ADCY7: variants seen among roughly 807,000 people sequenced by gnomAD.
The protein encoded by ADCY7 is adenylate cyclase type 7.
In ADCY7, 72 loss-of-function variants were observed where a neutral mutation model predicts 120.6. The ratio of observed to expected loss-of-function variants is 0.60; its 90% CI spans 0.49 to 0.73. ADCY7 has a LOEUF of 0.73. ADCY7 is among the 30% of genes least tolerant of loss of function. The pLI is 0.00. For synonymous variants in ADCY7, 661 were observed against 628.0 expected (o/e 1.05, Z -0.78); for missense variants, 1,227 against 1,486.0 (o/e 0.83, Z 2.87).
At chr16:50,244,849 T>C (rs1294954480), upstream of ADCY7, among the ~76,000 whole-genome samples, 2 of 152,138 alleles carry the variant, frequency 1.3e-5, no homozygotes, top group African/African-American at 4.8e-5. Flanking sequence ...GAGAGCCAAA[T>C]GCCACCATGC....
chr16:50,282,909 A>T (rs7185549), intron 1 of ADCY7, among the ~76,000 whole-genome samples: 6,076 of 151,962 alleles, frequency 0.04, 429 homozygotes, highest in African/African-American at 0.14. Context: ...TTTTATAGCG[A>T]TGGGGTCTCA....
intron 22 of ADCY7, chr16:50,313,431 ACAAC>A (rs1276266913): frequency 1.2e-5 from 2 of 166,646 alleles, no homozygotes; most frequent in African/African-American, 2.7e-5. Flanking sequence ...AACAACAACA[ACAAC>A]AAAAAAAAAA....
At chr16:50,292,127 C>T (rs1017320453) in intron 4 of ADCY7, among the ~76,000 whole-genome samples, 1 of 152,212 alleles carries the variant, frequency 6.6e-6, no homozygotes, top group African/African-American at 2.4e-5. Context: ...GCTCAGCCCT[C>T]AGGGTCGTGA....
intron 24 of ADCY7, 91 bp from the exon 25 acceptor site, chr16:50,314,923 T>G (rs2036718603): frequency 6.6e-7 from 1 of 1,522,278 alleles, no homozygotes; most frequent in East Asian, 2.3e-5. Context: ...CCCCGCATCC[T>G]GTGCTGGGGT....
chr16:50,265,411 G>T (rs955288807), upstream of ADCY7, among the ~76,000 whole-genome samples: 1 of 152,204 alleles, frequency 6.6e-6, no homozygotes, highest in Non-Finnish European at 1.5e-5. Flanking sequence ...GCAGACCTTA[G>T]ATCACCTGCT....
intron 19 of ADCY7, 75 bp from the exon 20 acceptor site, chr16:50,311,618 G>A: frequency 9.6e-7 from 1 of 1,039,272 alleles, no homozygotes; most frequent in Non-Finnish European, 1.5e-6. Context: ...GGGTGTGCGT[G>A]GCACCTGGAG....
chr16:50,313,768 G>A (rs1269682620), intron 22 of ADCY7, 190 bp from the exon 23 acceptor site: 1 of 583,874 alleles, frequency 1.7e-6, no homozygotes. Flanking sequence ...ACAACAGGAA[G>A]AGCAGGAGCC....
At chr16:50,291,594 T>C in intron 3 of ADCY7, 142 bp from the exon 4 acceptor site, 1 of 874,428 alleles carries the variant, frequency 1.1e-6, no homozygotes, top group Non-Finnish European at 1.8e-6. Context: ...CTTGTTCCCT[T>C]GTATGTCTGC....
At chr16:50,311,120 A>C (rs1189381434) in intron 19 of ADCY7, among the ~76,000 whole-genome samples, 2 of 152,158 alleles carry the variant, frequency 1.3e-5, no homozygotes, top group African/African-American at 4.8e-5. Context: ...TGGGGAGGGA[A>C]GGAGGCTGCA....
chr16:50,310,263 C>T (rs1381095659), intron 18 of ADCY7, among the ~76,000 whole-genome samples: 1 of 152,098 alleles, frequency 6.6e-6, no homozygotes, highest in African/African-American at 2.4e-5. Flanking sequence ...CAGGCTTGAT[C>T]CAGACTGGGA....
At chr16:50,308,200 T>TC in intron 15 of ADCY7, 127 bp from the exon 16 acceptor site, 1 of 1,532,100 alleles carries the variant, frequency 6.5e-7, no homozygotes. Context: ...TTTTCACAGG[T>TC]CCCCTTTGCT....
At chr16:50,286,330 G>A (rs2034575688) in intron 1 of ADCY7, among the ~76,000 whole-genome samples, 1 of 148,452 alleles carries the variant, frequency 6.7e-6, no homozygotes, top group Non-Finnish European at 1.5e-5. Context: ...GCAGGAGTCT[G>A]AGGTGGGAGG....
At chr16:50,265,193 CT>C (rs1254649562), upstream of ADCY7, among the ~76,000 whole-genome samples, 1 of 152,156 alleles carries the variant, frequency 6.6e-6, no homozygotes, top group Non-Finnish European at 1.5e-5. Flanking sequence ...TAGGATGTGA[CT>C]TTCTCCTAGT....
chr16:50,301,113 C>A lies in ADCY7; in HGVS notation c.1267C>A (p.His423Asn), dbSNP rs748018090. 6 of 1,613,862 alleles carry A rather than the reference C, an allele frequency of 3.7e-6. No homozygotes were observed. The Admixed American group carries it at 1.0e-4, about 27-fold the overall frequency. The change falls in exon 10 of 26, where the codon CAC becomes AAC. Residue 423 changes from histidine (H) to asparagine (N), a missense_variant. This residue lies in a region of ADCY7 where 332 missense variants were observed against 455.8 expected (regional missense o/e 0.73). Transcript: ENST00000673801. ...RVHITEATLKHLDKAYEVEDG... is the reference protein window; with the variant it reads ...RVHITEATLKNLDKAYEVEDG... ...GCACATCACGGAGGCCACGCTAAAG[C>A]ACCTGGACAAGGCGTACGAGGTGGA...
At position 50,256,572 on chromosome 16, in the gene ADCY7, G is replaced by A. The variant is rs939826057; in HGVS notation, c.-64+10369G>A. ...AAAAAAACAAGGCAGGTGTGGCAGC[G>A]TGCACCTGTAGTTCTACCTAGTCAG... is the stretch of plus-strand genomic sequence containing the variant. On this transcript the variant is annotated intron_variant, in intron 1 of 4. Coordinates refer to the ADCY7 transcript ENST00000564044. 3.9e-5 allele frequency among the ~76,000 whole-genome samples: 6 copies of A among 152,188 alleles called. No homozygotes were observed. In the East Asian group the frequency reaches 5.8e-4, roughly 15 times the overall value.
intron 23 of ADCY7, 38 bp from the exon 24 acceptor site, chr16:50,314,254 T>C (rs1034970630): frequency 2.5e-6 from 4 of 1,596,630 alleles, no homozygotes; most frequent in Admixed American, 1.7e-5. Context: ...CTGGGGGCTC[T>C]GGAGATGCAA....
chr16:50,247,239 G>C (rs1304401585), intron 1 of ADCY7, among the ~76,000 whole-genome samples: 5 of 152,152 alleles, frequency 3.3e-5, no homozygotes, highest in Admixed American at 3.3e-4. Context: ...CTGTGGAGCT[G>C]GGGACAGGCT....
rs557064062 is a variant in ADCY7, at chr16:50,288,163, C to T, written c.-17C>T. Reference sequence around the variant, plus strand: ...TCCTTAACGGCCCCTTAACGACACGCGTGCCAAGGGTGGAGGATGCCAGCC... The same window carrying T: ...TCCTTAACGGCCCCTTAACGACACGTGTGCCAAGGGTGGAGGATGCCAGCC... On this transcript the variant is annotated 5_prime_UTR_variant, in exon 2 of 26. Coordinates refer to ENST00000673801, the MANE Select transcript of ADCY7 (RefSeq NM_001114.5). The T allele has an allele frequency of 1.4e-5, 22 of 1,537,408 alleles. No homozygotes were observed. The highest frequency in any genetic ancestry group is 7.3e-5 in the South Asian group (6 of 82,550).
upstream of ADCY7, among the ~76,000 whole-genome samples, chr16:50,262,889 A>G (rs1022920993): frequency 6.6e-5 from 10 of 152,226 alleles, no homozygotes; most frequent in African/African-American, 2.2e-4. Context: ...GTTGAAAGAA[A>G]GCGGGTGTTT....
Sources: gnomAD v4.1 joint callset for allele counts (sites outside exome capture counted in the v4.1 genomes callset) on GRCh38, gnomAD v4.1.1 for gene constraint, gnomAD v4.1.1 regional missense constraint, MANE v1.5 for transcripts, NCBI Gene and HGNC (gene_info 2026-07-23, HGNC 2026-07-21) for gene names.